ZBTB8B: variants seen among roughly 807,000 people sequenced by gnomAD.
ZBTB8B encodes the protein zinc finger and BTB domain containing 8B.
Under a neutral mutation model 30.3 loss-of-function variants are expected in ZBTB8B, and 17 were observed. The observed-to-expected ratio is 0.56, with a 90% CI of 0.38 to 0.84. The LOEUF is 0.84. ZBTB8B is among the 40% of genes least tolerant of loss of function. The probability of loss-of-function intolerance (pLI) is 0.00; values close to 1 mark genes in which losing one functional copy is unlikely to be tolerated. For missense variants in ZBTB8B, 515 were observed against 644.9 expected (o/e 0.80, Z 2.18); for synonymous variants, 248 against 255.6 (o/e 0.97, Z 0.28).
intron 1 of ZBTB8B, among the ~76,000 whole-genome samples, chr1:32,466,817 T>C: frequency 6.6e-6 from 1 of 152,072 alleles, no homozygotes; most frequent in East Asian, 1.9e-4. Context: ...TTAAGAAGTG[T>C]TGTGCGTACT....
chr1:32,487,095 A>C lies in ZBTB8B; in HGVS notation c.*1677A>C, dbSNP rs1214543868. ...AAAAGAAATCTTCTTGTCTTCCTTT[A>C]AGTGTAGTTGTCTTTCAAAAGGTGG... On this transcript the variant is annotated 3_prime_UTR_variant, in exon 4 of 4. Transcript: ENST00000609129. 1 of 152,234 alleles carries C rather than the reference A, an allele frequency of 6.6e-6. No individual in the cohort carries two copies. Among genetic ancestry groups the C allele is most frequent in the Non-Finnish European group, 1.5e-5 (1 of 68,042 alleles). The allele number at this position is 152,234 out of a possible 1,614,324, so 9.4% of individuals were successfully genotyped here. A position where few individuals can be genotyped will look rare whatever the true frequency, so the allele number is the denominator to read the frequency against.
chr1:32,476,814 T>A (rs1570257527), intron 2 of ZBTB8B, among the ~76,000 whole-genome samples: 1 of 150,708 alleles, frequency 6.6e-6, no homozygotes, highest in Non-Finnish European at 1.5e-5. Flanking sequence ...AAATCCAAGC[T>A]GCTTACAGGT....
Position 32,485,630 on chromosome 1 carries a change from G to A in ZBTB8B, c.*212G>A. ...TGTGTGGTGCCCTTGGTTTCTGAGG[G>A]CTTTGCTGGCCACTCCTTAATTCTG... is the stretch of plus-strand genomic sequence containing the variant. On this transcript the variant is annotated 3_prime_UTR_variant, in exon 4 of 4. Transcript: ENST00000609129. 1 of 571,436 alleles carries A rather than the reference G, an allele frequency of 1.7e-6. No individual in the cohort carries two copies. The highest frequency in any genetic ancestry group is 3.1e-6 in the Non-Finnish European group (1 of 325,174). 35.4% of individuals were successfully genotyped at this position (571,436 alleles called of 1,614,324 possible).
rs991853706 is a variant in ZBTB8B at position 32,487,406 on chromosome 1, T to G, written c.*1988T>G. Reference sequence around the variant, plus strand: ...TGACTCATGGCTTTGTCTTCTTGAGTGAGGTATGGACCAGTTCAGTTCTGG... The same window carrying G: ...TGACTCATGGCTTTGTCTTCTTGAGGGAGGTATGGACCAGTTCAGTTCTGG... On this transcript the variant is annotated 3_prime_UTR_variant, in exon 4 of 4. Coordinates refer to ENST00000609129, the MANE Select transcript of ZBTB8B (RefSeq NM_001145720.2). 6.6e-6 allele frequency: 1 copy of G among 152,174 alleles called. No individual in the cohort carries two copies. The highest frequency in any genetic ancestry group is 2.4e-5 in the African/African-American group (1 of 41,428). 9.4% of individuals were successfully genotyped at this position (152,174 alleles called of 1,614,324 possible).
intron 3 of ZBTB8B, among the ~76,000 whole-genome samples, chr1:32,481,680 A>G (rs1246397345): frequency 6.6e-6 from 1 of 152,162 alleles, no homozygotes; most frequent in Non-Finnish European, 1.5e-5. Context: ...GGTTTGTTAC[A>G]TGGGTAAACT....
chr1:32,470,523 A>AT, intron 1 of ZBTB8B, 61 bp from the exon 2 acceptor site: 1 of 1,173,976 alleles, frequency 8.5e-7, no homozygotes, highest in Non-Finnish European at 1.1e-6. Flanking sequence ...AAAAAAAAAA[A>AT]AAAGAAATCT....
chr1:32,477,218 A>T (rs576252590), intron 2 of ZBTB8B, among the ~76,000 whole-genome samples: 1 of 152,162 alleles, frequency 6.6e-6, no homozygotes, highest in Admixed American at 6.5e-5. Flanking sequence ...TTTCTTCATC[A>T]CTTTGAACTT....
intron 2 of ZBTB8B, 26 bp from the exon 3 acceptor site, chr1:32,480,865 C>T (rs2148184980): frequency 6.5e-7 from 1 of 1,546,152 alleles, no homozygotes; most frequent in African/African-American, 1.4e-5. Flanking sequence ...TACAGCACAG[C>T]TAAATGAAAG....
rs1643567436 is a variant in ZBTB8B at position 32,465,988 on chromosome 1, A to C, written c.-42+883A>C. The stretch of plus-strand genomic sequence containing the variant: ...CTTGAGCCCAGGAGTTCCAGGCTGC[A>C]TTGAGGTAGGATCGTGCACTCCAAC... On this transcript the variant is annotated intron_variant, in intron 1 of 3. Coordinates refer to ENST00000609129, the MANE Select transcript of ZBTB8B (RefSeq NM_001145720.2). The surrounding 1 kb of genome is among the most constrained non-coding windows in gnomAD (Gnocchi z 4.1). 6.6e-6 allele frequency among the ~76,000 whole-genome samples: 1 copy of C among 152,152 alleles called. No homozygotes were observed. Among genetic ancestry groups the C allele is most frequent in the African/African-American group, 2.4e-5 (1 of 41,428 alleles).
chr1:32,473,539 G>A (rs1396901967), intron 2 of ZBTB8B, among the ~76,000 whole-genome samples: 4 of 139,250 alleles, frequency 2.9e-5, no homozygotes, highest in African/African-American at 5.4e-5. Context: ...TTGAGACAGG[G>A]TCTTACTCTG....
intron 1 of ZBTB8B, among the ~76,000 whole-genome samples, chr1:32,467,231 C>T (rs1643577995): frequency 1.3e-5 from 2 of 150,770 alleles, no homozygotes; most frequent in South Asian, 4.2e-4. Flanking sequence ...GCGAAAGTCC[C>T]TCCACACACT....
At position 32,465,157 on chromosome 1, in the gene ZBTB8B, A is replaced by G. The variant is rs1168263236; in HGVS notation, c.-42+52A>G. 1.3e-5 allele frequency: 2 copies of G among 152,394 alleles called. No individual in the cohort carries two copies. Among genetic ancestry groups the G allele is most frequent in the Admixed American group, 1.3e-4 (2 of 15,272 alleles). 9.4% of individuals were successfully genotyped at this position (152,394 alleles called of 1,614,324 possible). ...TGCCGCTTTCGTTGGTTTGGGGAGGATTCCTAGCACCCGGGAGGCTGGCTG... is the reference window on the plus strand; with the variant it reads ...TGCCGCTTTCGTTGGTTTGGGGAGGGTTCCTAGCACCCGGGAGGCTGGCTG... On this transcript the variant is annotated intron_variant, in intron 1 of 3. Transcript: ENST00000609129. The surrounding 1 kb of genome is among the most constrained non-coding windows in gnomAD (Gnocchi z 4.1).
intron 2 of ZBTB8B, among the ~76,000 whole-genome samples, chr1:32,474,566 A>G (rs1213053565): frequency 6.6e-6 from 1 of 151,554 alleles, no homozygotes; most frequent in Non-Finnish European, 1.5e-5. Flanking sequence ...AAAAAGAAAC[A>G]CTTGAAAATG....
chr1:32,475,134 A>G (rs1484175340), intron 2 of ZBTB8B, among the ~76,000 whole-genome samples: 1 of 152,208 alleles, frequency 6.6e-6, no homozygotes, highest in African/African-American at 2.4e-5. Context: ...TCCAGGGTAT[A>G]GTTTTTCCAA....
Position 32,488,782 on chromosome 1 carries a change from A to T in ZBTB8B, c.*3364A>T. On this transcript the variant is annotated 3_prime_UTR_variant, in exon 4 of 4. Coordinates refer to ENST00000609129, the MANE Select transcript of ZBTB8B (RefSeq NM_001145720.2). Reference sequence around the variant, plus strand: ...ACCTGCATAATATTTATTTATTTTTAATTTTATTTTATGTATTTATTTATT... The same window carrying T: ...ACCTGCATAATATTTATTTATTTTTTATTTTATTTTATGTATTTATTTATT... 6.6e-6 allele frequency: 1 copy of T among 151,998 alleles called. No homozygotes were observed. Among genetic ancestry groups the T allele is most frequent in the South Asian group, 2.1e-4 (1 of 4,806 alleles). 9.4% of individuals were successfully genotyped at this position (151,998 alleles called of 1,614,324 possible).
chr1:32,491,714 C>T lies in ZBTB8B; in HGVS notation c.*6296C>T, dbSNP rs945028055. Reference sequence around the variant, plus strand: ...AAGCGTCACTGTACTTAGGGATGCCCAGAGCTGAGGCTTCCTATCAGGCAT... The same window carrying T: ...AAGCGTCACTGTACTTAGGGATGCCTAGAGCTGAGGCTTCCTATCAGGCAT... On this transcript the variant is annotated 3_prime_UTR_variant, in exon 4 of 4. Transcript: ENST00000609129. 6.6e-6 allele frequency: 1 copy of T among 152,202 alleles called. No homozygotes were observed. Among genetic ancestry groups the T allele is most frequent in the Non-Finnish European group, 1.5e-5 (1 of 68,038 alleles). The allele number at this position is 152,202 out of a possible 1,614,324, so 9.4% of individuals were successfully genotyped here. A position where few individuals can be genotyped will look rare whatever the true frequency, so the allele number is the denominator to read the frequency against.
In ZBTB8B at chr1:32,471,051, G is replaced by C. The variant is rs1428299147; in HGVS notation, c.427G>C (p.Ala143Pro). 4 of 1,544,652 alleles carry C rather than the reference G, an allele frequency of 2.6e-6. No individual in the cohort carries two copies. Among genetic ancestry groups the C allele is most frequent in the African/African-American group, 2.7e-5 (2 of 72,934 alleles). The change falls in exon 2 of 4, where the codon GCG (alanine) becomes CCG (proline). Residue 143 changes from alanine (A) to proline (P), a missense_variant. This residue lies in a region of ZBTB8B where 429 missense variants were observed against 504.3 expected (regional missense o/e 0.85). Transcript: ENST00000609129. ...GGCTGCAGCAGTGGCGGCGGCAGCG[G>C]CGGCGGCTGCAGCGGCGGCAGCAGC... The part of the protein sequence containing the change: ...AVAAAVAAAA[A>P]AAAAAAAAAA...
intron 2 of ZBTB8B, among the ~76,000 whole-genome samples, chr1:32,474,409 A>T (rs1462394021): frequency 6.9e-6 from 1 of 145,166 alleles, no homozygotes; most frequent in Non-Finnish European, 1.5e-5. Context: ...GCGTCATTGC[A>T]TGTACCCATA....
chr1:32,479,075 T>A (rs1643684739), intron 2 of ZBTB8B, among the ~76,000 whole-genome samples: 1 of 152,214 alleles, frequency 6.6e-6, no homozygotes, highest in South Asian at 2.1e-4. Context: ...CTAAGTGAGA[T>A]GTCCAGGGCC....
Sources: gnomAD v4.1 joint callset for allele counts (sites outside exome capture counted in the v4.1 genomes callset) on GRCh38, gnomAD v4.1.1 for gene constraint, gnomAD v4.1.1 regional missense constraint, Gnocchi (gnomAD v3.1) non-coding constraint, MANE v1.5 for transcripts, NCBI Gene and HGNC (gene_info 2026-07-23, HGNC 2026-07-21) for gene names.